Variants in CRTC1 observed in about 807,000 individuals in gnomAD.
The protein encoded by CRTC1 is CREB regulated transcription coactivator 1.
CRTC1 carries 18 observed loss-of-function variants against 66.1 expected under a neutral mutation model. The ratio of observed to expected loss-of-function variants is 0.27; its 90% confidence interval spans 0.19 to 0.40. The LOEUF (loss-of-function observed/expected upper bound fraction) is 0.40. Ranked by LOEUF, CRTC1 falls within the 10% of genes least tolerant of loss-of-function variation. The pLI, the probability that CRTC1 is intolerant of heterozygous loss-of-function variation, is 1.00. For synonymous variants in CRTC1, 416 were observed against 398.8 expected (o/e 1.04, Z -0.51); for missense variants, 669 against 887.9 (o/e 0.75, Z 3.13).
intron 1 of CRTC1, among the ~76,000 whole-genome samples, chr19:18,739,713 C>A (rs2054071969): frequency 1.3e-5 from 2 of 152,176 alleles, no homozygotes; most frequent in Non-Finnish European, 2.9e-5. Flanking sequence ...GACATCTGGC[C>A]GTTCTTCCAG....
intron 2 of CRTC1, chr19:18,744,214 A>G: frequency 1.9e-6 from 3 of 1,547,060 alleles, no homozygotes; most frequent in Non-Finnish European, 2.6e-6. Context: ...CAAGACCCCG[A>G]CCCGTGTGCG....
At chr19:18,721,313 C>T (rs903020101) in intron 1 of CRTC1, among the ~76,000 whole-genome samples, 1 of 151,878 alleles carries the variant, frequency 6.6e-6, no homozygotes, top group Non-Finnish European at 1.5e-5. Context: ...CCTGCCTCAG[C>T]CTCCCGAGTA....
At chr19:18,693,666 G>C (rs907046084) in intron 1 of CRTC1, among the ~76,000 whole-genome samples, 2 of 151,154 alleles carry the variant, frequency 1.3e-5, no homozygotes, top group African/African-American at 4.8e-5. Flanking sequence ...TGTATTTTTA[G>C]TAGAGACAGG....
At position 18,760,156 on chromosome 19, in the gene CRTC1, C is replaced by G. The variant is rs973575515; in HGVS notation, c.814C>G (p.Leu272Val). 1 of 1,613,704 alleles carries G rather than the reference C, an allele frequency of 6.2e-7. No homozygotes were observed. Residue 272 changes from leucine to valine, a missense_variant, in exon 8 of 14, where the codon CTG (leucine) becomes GTG (valine). Leu to Val is a conservative substitution (Grantham distance 32, BLOSUM62 1). Coordinates refer to ENST00000321949, the MANE Select transcript of CRTC1 (RefSeq NM_015321.3). The surrounding 1 kb of genome is among the most constrained non-coding windows in gnomAD (Gnocchi z 6.2). ...CCCCGAGGAGCCCACCTTCCCTGCA[C>G]TGAGCAGCTCCAGCAGCACCGGCAA... ...LDPEEPTFPA[L>V]SSSSSTGNLA...
intron 1 of CRTC1, among the ~76,000 whole-genome samples, chr19:18,698,598 G>A (rs548578128): frequency 8.7e-5 from 13 of 148,684 alleles, no homozygotes; most frequent in African/African-American, 2.5e-4. Flanking sequence ...TATACTCACC[G>A]GGCGCTCAGC....
At chr19:18,705,368 T>C (rs1259369159) in intron 1 of CRTC1, among the ~76,000 whole-genome samples, 3 of 152,224 alleles carry the variant, frequency 2.0e-5, no homozygotes, top group Non-Finnish European at 4.4e-5. Context: ...CCACCCATGC[T>C]GGAGTGCAGT....
At chr19:18,727,330 C>T (rs1039671022) in intron 1 of CRTC1, among the ~76,000 whole-genome samples, 5 of 151,702 alleles carry the variant, frequency 3.3e-5, no homozygotes, top group South Asian at 2.1e-4. Flanking sequence ...GCGTGTAATC[C>T]GAGCACTTTG....
chr19:18,754,429 C>G (rs776327403), intron 6 of CRTC1, among the ~76,000 whole-genome samples: 1 of 152,156 alleles, frequency 6.6e-6, no homozygotes, highest in Non-Finnish European at 1.5e-5. Flanking sequence ...GGGAGTATCA[C>G]TTGAGCCCAG....
chr19:18,748,992 C>T (rs2054306595), intron 4 of CRTC1, among the ~76,000 whole-genome samples: 1 of 152,168 alleles, frequency 6.6e-6, no homozygotes, highest in African/African-American at 2.4e-5. Flanking sequence ...AAAACACTTG[C>T]TCAGAGACAC....
At chr19:18,695,123 G>C (rs1224786911) in intron 1 of CRTC1, among the ~76,000 whole-genome samples, 4 of 151,934 alleles carry the variant, frequency 2.6e-5, no homozygotes, top group Non-Finnish European at 5.9e-5. Flanking sequence ...TGCCCGCCTC[G>C]GCCTCCTAAA....
At chr19:18,693,199 G>A (rs2052892388) in intron 1 of CRTC1, among the ~76,000 whole-genome samples, 1 of 151,856 alleles carries the variant, frequency 6.6e-6, no homozygotes, top group South Asian at 2.1e-4. Context: ...GACCACCCTG[G>A]GCAACATAGT....
At chr19:18,762,155 G>A (rs2054628223) in intron 8 of CRTC1, among the ~76,000 whole-genome samples, 1 of 152,170 alleles carries the variant, frequency 6.6e-6, no homozygotes. Flanking sequence ...ATCTCTTCAC[G>A]GCCACCAGAG....
chr19:18,766,580 G>A (rs1164922785), intron 9 of CRTC1, among the ~76,000 whole-genome samples: 1 of 151,214 alleles, frequency 6.6e-6, no homozygotes. Context: ...TGAGTAGCTG[G>A]GATTACAGGT....
intron 1 of CRTC1, among the ~76,000 whole-genome samples, chr19:18,714,291 C>G (rs1034957270): frequency 1.3e-5 from 2 of 152,128 alleles, no homozygotes; most frequent in South Asian, 2.1e-4. Flanking sequence ...ACCTGCTATT[C>G]GGTTTGCAAC....
chr19:18,742,780 G>T, intron 1 of CRTC1, 130 bp from the exon 2 acceptor site: 1 of 691,434 alleles, frequency 1.4e-6, no homozygotes, highest in Admixed American at 2.1e-5. Context: ...TCTGGGTCAT[G>T]AGGTCCTGCA....
chr19:18,719,931 C>T (rs1205393609), intron 1 of CRTC1, among the ~76,000 whole-genome samples: 1 of 152,232 alleles, frequency 6.6e-6, no homozygotes, highest in Non-Finnish European at 1.5e-5. Flanking sequence ...GCGTCGGCGT[C>T]GGGCTTCTTG....
chr19:18,759,650 T>G lies in CRTC1; in HGVS notation c.665+59T>G, dbSNP rs554413308. 42 of 1,563,868 alleles carry G rather than the reference T, an allele frequency of 2.7e-5. No homozygotes were observed. The African/African-American group carries it at 4.3e-4, about 16-fold the overall frequency. ...ATCTGCTGCGCTGCTCCGTCCACCC[T>G]GGGGCATTCTGTCCACTCTCTTGAG... On this transcript the variant is annotated intron_variant, in intron 7 of 13. Transcript: ENST00000321949.
chr19:18,695,359 G>A (rs2052959389), intron 1 of CRTC1, among the ~76,000 whole-genome samples: 1 of 152,168 alleles, frequency 6.6e-6, no homozygotes, highest in Non-Finnish European at 1.5e-5. Context: ...GACAGCACAA[G>A]TGGGGTCTGC....
At chr19:18,769,750 GC>G (rs2054820208) in intron 10 of CRTC1, among the ~76,000 whole-genome samples, 1 of 152,172 alleles carries the variant, frequency 6.6e-6, no homozygotes, top group African/African-American at 2.4e-5. Flanking sequence ...TGCAGGGACG[GC>G]CCTTCTAGGG....
Sources: gnomAD v4.1 joint callset for allele counts (sites outside exome capture counted in the v4.1 genomes callset) on GRCh38, gnomAD v4.1.1 for gene constraint, Gnocchi (gnomAD v3.1) non-coding constraint, MANE v1.5 for transcripts, NCBI Gene and HGNC (gene_info 2026-07-23, HGNC 2026-07-21) for gene names.